Variants in ANKRD11 observed in about 807,000 individuals in gnomAD.
ANKRD11 encodes ankyrin repeat domain 11, also known as ankyrin repeat domain-containing protein 11.
Under a neutral mutation model 195.7 loss-of-function variants are expected in ANKRD11, and 17 were observed. The ratio of observed to expected loss-of-function variants is 0.09; its 90% confidence interval spans 0.06 to 0.13. The LOEUF is 0.13. Among genes scored for constraint, ANKRD11 ranks in the 10% least tolerant of loss-of-function variants. ANKRD11 has a pLI of 1.00. For missense variants in ANKRD11, 3,735 were observed against 3,566.1 expected (o/e 1.05, Z -1.21); for synonymous variants, 1,953 against 1,528.1 (o/e 1.28, Z -6.49).
intron 2 of ANKRD11, among the ~76,000 whole-genome samples, chr16:89,327,020 TGGGGAA>T (rs2037767487): frequency 7.2e-6 from 1 of 139,718 alleles, no homozygotes; most frequent in Admixed American, 7.0e-5. Context: ...AATGCAGAGG[TGGGGAA>T]TGCAGAGGTG....
Position 89,268,564 on chromosome 16 carries a change from G to T in ANKRD11, c.7906C>A (p.His2636Asn). The change falls in exon 13 of 13, where the codon CAC (histidine) becomes AAC (asparagine). Residue 2636 changes from histidine to asparagine, a missense_variant. By Grantham distance (68) the His-to-Asn change is moderately conservative. Transcript: ENST00000301030. ...ACCTCGTTCACGCACAGGGACTTGT[G>T]CCCGGCGGGGTCCAGTTCCTGCACC... ...LKVQELDPAGHKSLCVNEVPS... is the reference protein window; with the variant it reads ...LKVQELDPAGNKSLCVNEVPS... 1.3e-6 allele frequency: 2 copies of T among 1,527,412 alleles called. No individual in the cohort carries two copies. The highest frequency in any genetic ancestry group is 1.8e-6 in the Non-Finnish European group (2 of 1,126,840). 94.6% of individuals were successfully genotyped at this position (1,527,412 alleles called of 1,614,324 possible).
intron 2 of ANKRD11, chr16:89,323,044 T>C (rs569990318): frequency 8.9e-5 from 27 of 303,416 alleles, no homozygotes; most frequent in Non-Finnish European, 1.4e-4. Flanking sequence ...GGTTTCGCCA[T>C]GCTTCCGAGG....
intron 2 of ANKRD11, among the ~76,000 whole-genome samples, chr16:89,339,067 AG>A (rs2038527968): frequency 1.3e-5 from 2 of 152,318 alleles, no homozygotes; most frequent in Admixed American, 1.3e-4. Context: ...CCAGGAGGAC[AG>A]ACGTCCTGGG....
intron 4 of ANKRD11, among the ~76,000 whole-genome samples, chr16:89,303,458 C>G (rs938565603): frequency 1.3e-5 from 2 of 152,226 alleles, no homozygotes; most frequent in African/African-American, 2.4e-5. Flanking sequence ...AACCCATCCA[C>G]ACATTCTGTC....
intron 2 of ANKRD11, among the ~76,000 whole-genome samples, chr16:89,380,244 T>C (rs541848938): frequency 3.3e-5 from 5 of 152,088 alleles, no homozygotes; most frequent in Non-Finnish European, 5.9e-5. Context: ...CCCCGAGTAG[T>C]TGGTATTACA....
In ANKRD11 at chr16:89,304,352, G is replaced by A. The variant is rs114015969; in HGVS notation, c.226+854C>T. On this transcript the variant is annotated intron_variant, in intron 4 of 12. Transcript: ENST00000301030. Reference sequence around the variant, plus strand: ...CACAGGCATGCACACACACACGGGCGCATACACAGGCATGCACATGCACAC... The same window carrying A: ...CACAGGCATGCACACACACACGGGCACATACACAGGCATGCACATGCACAC... Among the ~76,000 whole-genome samples, 1,177 of 140,482 alleles carry A rather than the reference G, an allele frequency of 8.4e-3. 13 individuals are homozygous for A. The highest frequency in any genetic ancestry group is 0.029 in the African/African-American group (1,078 of 37,580). The allele number at this position is 140,482 out of a possible 152,430, so 92.2% of individuals were successfully genotyped here.
At chr16:89,415,142 T>C (rs537601668) in intron 2 of ANKRD11, among the ~76,000 whole-genome samples, 1 of 151,694 alleles carries the variant, frequency 6.6e-6, no homozygotes, top group African/African-American at 2.4e-5. Flanking sequence ...TTTGTAGAGA[T>C]GCGGTCTCGT....
chr16:89,467,935 G>A (rs1237163373), intron 1 of ANKRD11, among the ~76,000 whole-genome samples: 1 of 151,820 alleles, frequency 6.6e-6, no homozygotes, highest in Non-Finnish European at 1.5e-5. Context: ...CGAGTAGCTG[G>A]GACTACAGAT....
intron 3 of ANKRD11, among the ~76,000 whole-genome samples, chr16:89,316,664 C>A (rs939897373): frequency 1.3e-5 from 2 of 152,318 alleles, no homozygotes; most frequent in African/African-American, 4.8e-5. Context: ...GGGGTAGAAA[C>A]GTGCAGCCAC....
At chr16:89,316,752 A>T (rs369721620) in intron 3 of ANKRD11, among the ~76,000 whole-genome samples, 181 bp downstream of exon 3, 2 of 152,274 alleles carry the variant, frequency 1.3e-5, no homozygotes, top group African/African-American at 4.8e-5. Context: ...CAAATACAAA[A>T]AAAGCAAGGC....
At chr16:89,382,023 C>G (rs1210410412) in intron 2 of ANKRD11, among the ~76,000 whole-genome samples, 3 of 152,192 alleles carry the variant, frequency 2.0e-5, no homozygotes, top group Non-Finnish European at 4.4e-5. Flanking sequence ...TGCAAGCAGC[C>G]AGCACGACTG....
intron 2 of ANKRD11, among the ~76,000 whole-genome samples, chr16:89,330,810 G>C (rs1188288061): frequency 2.0e-5 from 3 of 152,122 alleles, no homozygotes; most frequent in Non-Finnish European, 4.4e-5. Context: ...CTTCTGAAGG[G>C]AGGCAGATCA....
In ANKRD11 at chr16:89,275,206, T is replaced by A; in HGVS notation, c.7471-15A>T. On this transcript the variant is annotated splice_polypyrimidine_tract_variant and intron_variant, in intron 9 of 12. Transcript: ENST00000301030. ...GGGGGTGCGATCTACAGGCAAAAGG[T>A]GAGTGTGGGGGGTCAGCTGGGGCTG... 1 of 1,596,030 alleles carries A rather than the reference T, an allele frequency of 6.3e-7. No homozygotes were observed.
chr16:89,285,353 T>A lies in ANKRD11; in HGVS notation c.1189A>T (p.Ile397Phe). 6.2e-7 allele frequency: 1 copy of A among 1,614,040 alleles called. No homozygotes were observed. The highest frequency in any genetic ancestry group is 1.6e-4 in the Middle Eastern group (1 of 6,062). Residue 397 changes from isoleucine to phenylalanine, a missense_variant, in exon 9 of 13, where the codon ATT becomes TTT. Physicochemically the swap from Ile to Phe is conservative, Grantham distance 21 (BLOSUM62 0). Coordinates refer to ENST00000301030, the MANE Select transcript of ANKRD11 (RefSeq NM_013275.6). This position sits in a 1 kb window ranked among gnomAD's most constrained non-coding sequence, Gnocchi z 5.6. The stretch of plus-strand genomic sequence containing the variant: ...CGATGGGACGCTTTCTTTGGTGCAA[T>A]CGTGTTATTTTTAGTGTAACTTTTA... ...EVKSYTKNNT[I>F]APKKASHRIL...
At chr16:89,358,247 A>C (rs1040176236) in intron 2 of ANKRD11, among the ~76,000 whole-genome samples, 5 of 152,174 alleles carry the variant, frequency 3.3e-5, no homozygotes, top group African/African-American at 1.2e-4. Flanking sequence ...TCCCGCATGG[A>C]GCTGTGCCGG....
Position 89,285,959 on chromosome 16 carries a change from G to C in ANKRD11, c.892+80C>G. ...ATCCGAGGAGGAGCTGATCAGAGGG[G>C]CAACACTGTGCAAACACCACAGGGC... is the stretch of plus-strand genomic sequence containing the variant. On this transcript the variant is annotated intron_variant, in intron 8 of 12. Transcript: ENST00000301030. The surrounding 1 kb of genome is among the most constrained non-coding windows in gnomAD (Gnocchi z 5.6). 12 of 1,604,498 alleles carry C rather than the reference G, an allele frequency of 7.5e-6. No homozygotes were observed. The highest frequency in any genetic ancestry group is 1.0e-5 in the Non-Finnish European group (12 of 1,174,058).
At position 89,283,691 on chromosome 16, in the gene ANKRD11, T is replaced by G. The variant is rs1413448540; in HGVS notation, c.2851A>C (p.Arg951=). ...TTGCAGCTCTCCAGGGCGTCCTTTC[T>G]GTCCCGCCCGGCCTCTGCGGACTCT... ...RRESAEAGRD[R]KDALESCKER... Residue 951 remains arginine, a synonymous_variant, in exon 9 of 13, where the codon AGA becomes CGA. Transcript: ENST00000301030. This position sits in a 1 kb window ranked among gnomAD's most constrained non-coding sequence, Gnocchi z 4.3. 6.2e-7 allele frequency: 1 copy of G among 1,613,268 alleles called. No homozygotes were observed. Among genetic ancestry groups the G allele is most frequent in the Admixed American group, 1.7e-5 (1 of 60,032 alleles).
intron 1 of ANKRD11, among the ~76,000 whole-genome samples, chr16:89,482,591 A>G (rs911690949): frequency 1.3e-5 from 2 of 152,236 alleles, no homozygotes; most frequent in South Asian, 2.1e-4. Context: ...ATGACCTCGC[A>G]GTGCTCGGGT....
At chr16:89,369,644 G>A (rs1387235938) in intron 2 of ANKRD11, among the ~76,000 whole-genome samples, 1 of 152,222 alleles carries the variant, frequency 6.6e-6, no homozygotes, top group Non-Finnish European at 1.5e-5. Flanking sequence ...GACAACCAGG[G>A]GGGTCCTTGT....
Sources: allele counts gnomAD v4.1 joint callset (sites outside exome capture counted in the v4.1 genomes callset), GRCh38; gene constraint gnomAD v4.1.1; non-coding constraint Gnocchi (gnomAD v3.1); transcripts MANE v1.5; gene names NCBI Gene and HGNC (gene_info 2026-07-23, HGNC 2026-07-21).